The following SERPINI1 variants were observed in gnomAD, a reference collection of about 807,000 sequenced individuals.
SERPINI1 encodes serpin family I member 1.
SERPINI1 carries 19 observed loss-of-function variants against 41.1 expected under a neutral mutation model. The ratio of observed to expected loss-of-function variants is 0.46; its 90% CI spans 0.32 to 0.68. The LOEUF (loss-of-function observed/expected upper bound fraction) is 0.68. Ranked by LOEUF, SERPINI1 falls within the 30% of genes least tolerant of loss-of-function variation. SERPINI1 has a pLI of 0.03. For missense variants in SERPINI1, 460 were observed against 479.2 expected, an observed-to-expected ratio of 0.96 and a Z score of 0.37; for synonymous variants, 138 against 156.6, an observed-to-expected ratio of 0.88 and a Z score of 0.89.
At chr3:167,790,638 T>A in intron 3 of SERPINI1, 36 bp downstream of exon 3, 1 of 1,431,172 alleles carries the variant, frequency 7.0e-7, no homozygotes, top group African/African-American at 1.4e-5. Context: ...TCTAGTAGCT[T>A]AGTTTTAACT....
At chr3:167,787,323 A>G (rs1308265060) in intron 1 of SERPINI1, among the ~76,000 whole-genome samples, 10 of 152,266 alleles carry the variant, frequency 6.6e-5, no homozygotes, top group Non-Finnish European at 1.2e-4. Flanking sequence ...TACATAAACC[A>G]GTAACACAGT....
intron 1 of SERPINI1, among the ~76,000 whole-genome samples, chr3:167,784,830 C>T (rs1727255986): frequency 6.6e-6 from 1 of 152,128 alleles, no homozygotes; most frequent in Non-Finnish European, 1.5e-5. Flanking sequence ...ATAGCAAAAC[C>T]ATATCCATGA....
At chr3:167,784,917 A>G (rs1727259838) in intron 1 of SERPINI1, among the ~76,000 whole-genome samples, 1 of 152,128 alleles carries the variant, frequency 6.6e-6, no homozygotes, top group Non-Finnish European at 1.5e-5. Context: ...ATTTTTTCAT[A>G]ATGTCCTCTG....
intron 6 of SERPINI1, among the ~76,000 whole-genome samples, chr3:167,817,886 A>G (rs966945027): frequency 6.6e-6 from 1 of 151,678 alleles, no homozygotes; most frequent in Non-Finnish European, 1.5e-5. Flanking sequence ...GGCGTGAGCC[A>G]CCGCGCCCGG....
chr3:167,807,487 C>G, intron 6 of SERPINI1, 146 bp downstream of exon 6: 1 of 623,038 alleles, frequency 1.6e-6, no homozygotes, highest in Non-Finnish European at 2.8e-6. Flanking sequence ...TACATTTAAC[C>G]TCTACAAGCA....
intron 6 of SERPINI1, among the ~76,000 whole-genome samples, chr3:167,820,871 T>A (rs1044692128): frequency 2.6e-5 from 4 of 152,136 alleles, no homozygotes; most frequent in Non-Finnish European, 4.4e-5. Flanking sequence ...CGGTGCTTTT[T>A]CCGCGCCACC....
intron 1 of SERPINI1, among the ~76,000 whole-genome samples, chr3:167,784,638 G>A (rs1727246467): frequency 6.6e-6 from 1 of 152,176 alleles, no homozygotes; most frequent in Non-Finnish European, 1.5e-5. Context: ...GATGGAGAGA[G>A]TGCAAGCATG....
chr3:167,794,085 G>A (rs1727633282), intron 4 of SERPINI1, among the ~76,000 whole-genome samples: 1 of 152,010 alleles, frequency 6.6e-6, no homozygotes, highest in Admixed American at 6.6e-5. Context: ...TAAAAATCAG[G>A]TGAATATTGA....
chr3:167,808,869 GTGTC>G (rs1426713867), intron 6 of SERPINI1, among the ~76,000 whole-genome samples: 1 of 152,154 alleles, frequency 6.6e-6, no homozygotes, highest in Non-Finnish European at 1.5e-5. Context: ...AATTCTCAGT[GTGTC>G]TGTGATGAAA....
intron 6 of SERPINI1, among the ~76,000 whole-genome samples, chr3:167,820,963 C>T (rs1042146227): frequency 6.6e-6 from 1 of 152,196 alleles, no homozygotes; most frequent in Non-Finnish European, 1.5e-5. Flanking sequence ...CAGACTTGAG[C>T]AGATGACAGG....
chr3:167,763,692 C>T (rs964304835), intron 1 of SERPINI1, among the ~76,000 whole-genome samples: 5 of 152,068 alleles, frequency 3.3e-5, no homozygotes, highest in African/African-American at 9.7e-5. Flanking sequence ...CTGAAATATC[C>T]GTTAAAAATA....
At chr3:167,812,038 C>G (rs1455090985) in intron 6 of SERPINI1, among the ~76,000 whole-genome samples, 1 of 152,108 alleles carries the variant, frequency 6.6e-6, no homozygotes, top group Non-Finnish European at 1.5e-5. Context: ...TCTAGAAAAA[C>G]GGAGTGACTT....
At chr3:167,767,517 T>G (rs1266390244) in intron 1 of SERPINI1, among the ~76,000 whole-genome samples, 1 of 152,222 alleles carries the variant, frequency 6.6e-6, no homozygotes, top group Non-Finnish European at 1.5e-5. Context: ...AAATATATTT[T>G]GTATGTTTAT....
At chr3:167,819,364 C>T (rs768398628) in intron 6 of SERPINI1, among the ~76,000 whole-genome samples, 124 of 145,292 alleles carry the variant, frequency 8.5e-4, no homozygotes, top group Non-Finnish European at 1.5e-3. Flanking sequence ...TATTCGGTTA[C>T]TTAACACAAT....
intron 5 of SERPINI1, among the ~76,000 whole-genome samples, chr3:167,798,561 C>T (rs1727788270): frequency 6.6e-6 from 1 of 152,020 alleles, no homozygotes; most frequent in African/African-American, 2.4e-5. Context: ...CATAGCTATA[C>T]TCTGTGTTTA....
At position 167,794,698 on chromosome 3, in the gene SERPINI1, G is replaced by A. The variant is rs1303938607; in HGVS notation, c.755G>A (p.Ser252Asn). The A allele has an allele frequency of 6.2e-7, 1 of 1,613,680 alleles. No individual in the cohort carries two copies. Residue 252 changes from serine (S) to asparagine (N), a missense_variant, in exon 5 of 9, where the codon AGC becomes AAC. By Grantham distance (46) the Ser-to-Asn change is conservative (BLOSUM62 1). Coordinates refer to ENST00000446050, the MANE Select transcript of SERPINI1 (RefSeq NM_001122752.2). ...LEIPYEGDEI[S>N]MMLVLSRQEV... ...ATACCATATGAAGGAGATGAAATAA[G>A]CATGATGCTGGTGCTGTCCAGACAG...
chr3:167,768,320 T>G (rs11921093), intron 1 of SERPINI1, among the ~76,000 whole-genome samples: 8,760 of 152,298 alleles, frequency 0.058, 294 homozygotes, highest in Admixed American at 0.087. Context: ...TGTGCCTTAT[T>G]TTTTTAGACA....
chr3:167,812,220 C>T (rs997846424), intron 6 of SERPINI1, among the ~76,000 whole-genome samples: 3 of 152,186 alleles, frequency 2.0e-5, no homozygotes, highest in African/African-American at 7.2e-5. Flanking sequence ...CAAGATTAAT[C>T]GCCTTAAAAA....
At chr3:167,759,874 C>T (rs1461349985) in intron 1 of SERPINI1, among the ~76,000 whole-genome samples, 4 of 152,168 alleles carry the variant, frequency 2.6e-5, no homozygotes, top group Admixed American at 6.5e-5. Flanking sequence ...AGTTTTCTCA[C>T]TCTTAATCCA....
Sources: allele counts gnomAD v4.1 joint callset (sites outside exome capture counted in the v4.1 genomes callset), GRCh38; gene constraint gnomAD v4.1.1; transcripts MANE v1.5; gene names NCBI Gene and HGNC (gene_info 2026-07-23, HGNC 2026-07-21).